KCNG2: variants seen among roughly 807,000 people sequenced by gnomAD.
The protein encoded by KCNG2 is potassium voltage-gated channel modifier subfamily G member 2, also known as voltage-gated potassium channel regulatory subunit KCNG2.
Under a neutral mutation model 12.3 loss-of-function variants are expected in KCNG2, and 7 were observed. The observed-to-expected ratio is 0.57, with a 90% CI of 0.32 to 1.07. The LOEUF (loss-of-function observed/expected upper bound fraction) is 1.07, where lower values mean the gene tolerates loss of function less well. Among genes scored for constraint, KCNG2 ranks in the 50% least tolerant of loss-of-function variants. The pLI is 0.04. For synonymous variants in KCNG2, 414 were observed against 351.4 expected (o/e 1.18, Z -1.99); for missense variants, 703 against 726.0 (o/e 0.97, Z 0.36).
intron 3 of KCNG2, among the ~76,000 whole-genome samples, chr18:79,895,360 GATT>G (rs1980928295): frequency 1.3e-5 from 2 of 150,916 alleles, no homozygotes; most frequent in Non-Finnish European, 1.5e-5. Flanking sequence ...CTTTTGATTG[GATT>G]GTTCACTCCA....
intron 3 of KCNG2, 109 bp from the exon 4 acceptor site, chr18:79,898,931 C>T (rs933269175): frequency 1.6e-5 from 13 of 790,510 alleles, no homozygotes; most frequent in African/African-American, 7.3e-5. Context: ...TGGGTTGGGG[C>T]GGGAAGGGTG....
intron 1 of KCNG2, among the ~76,000 whole-genome samples, chr18:79,806,224 C>T (rs2087448376): frequency 6.6e-6 from 1 of 152,176 alleles, no homozygotes; most frequent in South Asian, 2.1e-4. Flanking sequence ...CAGGCAAGGC[C>T]GTCGTGCTGG....
chr18:79,848,138 C>G (rs530837549), intron 1 of KCNG2, among the ~76,000 whole-genome samples: 1 of 152,262 alleles, frequency 6.6e-6, no homozygotes, highest in East Asian at 1.9e-4. Context: ...GTGGGCTCAG[C>G]AGCTGCCAGG....
At chr18:79,867,677 CTG>C (rs1979660563) in intron 3 of KCNG2, among the ~76,000 whole-genome samples, 1 of 152,056 alleles carries the variant, frequency 6.6e-6, no homozygotes, top group Non-Finnish European at 1.5e-5. Context: ...GGGGCTGTGA[CTG>C]TGTCTGAATG....
intron 2 of KCNG2, among the ~76,000 whole-genome samples, chr18:79,862,440 C>T (rs1979256038): frequency 6.6e-6 from 1 of 152,218 alleles, no homozygotes; most frequent in Non-Finnish European, 1.5e-5. Flanking sequence ...TGCAGATGGG[C>T]TCTGCGTGTC....
At chr18:79,819,675 C>T (rs999876597) in intron 1 of KCNG2, among the ~76,000 whole-genome samples, 6 of 152,268 alleles carry the variant, frequency 3.9e-5, no homozygotes, top group South Asian at 4.1e-4. Context: ...ACCTCCCCTA[C>T]GGCTCCTCGG....
At chr18:79,843,215 G>GA (rs924303844) in intron 1 of KCNG2, among the ~76,000 whole-genome samples, 4 of 150,820 alleles carry the variant, frequency 2.7e-5, no homozygotes, top group South Asian at 2.1e-4. Context: ...CAAAGTGCTG[G>GA]AAAAAAAAAG....
At chr18:79,890,588 C>T (rs1490705816) in intron 3 of KCNG2, among the ~76,000 whole-genome samples, 5 of 152,162 alleles carry the variant, frequency 3.3e-5, no homozygotes, top group African/African-American at 4.8e-5. Flanking sequence ...TCTGTTTCTG[C>T]GTTAATTTGC....
At chr18:79,845,500 T>C (rs1369019174) in intron 1 of KCNG2, among the ~76,000 whole-genome samples, 1 of 152,228 alleles carries the variant, frequency 6.6e-6, no homozygotes, top group Admixed American at 6.5e-5. Context: ...TTGAAACTTT[T>C]TGGAGCAATT....
At chr18:79,839,499 C>T (rs1205115951) in intron 1 of KCNG2, among the ~76,000 whole-genome samples, 1 of 152,176 alleles carries the variant, frequency 6.6e-6, no homozygotes, top group Non-Finnish European at 1.5e-5. Context: ...GGAAAATACA[C>T]ACTACCACAA....
chr18:79,816,701 C>T (rs529163528), intron 1 of KCNG2, among the ~76,000 whole-genome samples: 18 of 152,306 alleles, frequency 1.2e-4, no homozygotes, highest in East Asian at 3.9e-4. Flanking sequence ...TTTCCTGGGA[C>T]GATGTTCTCG....
At chr18:79,876,727 G>A (rs1490443588) in intron 3 of KCNG2, among the ~76,000 whole-genome samples, 4 of 152,230 alleles carry the variant, frequency 2.6e-5, no homozygotes, top group African/African-American at 9.6e-5. Context: ...ACTTGCACCT[G>A]CAGACCGCCT....
chr18:79,802,677 G>C (rs2087419803), intron 1 of KCNG2, among the ~76,000 whole-genome samples: 1 of 151,402 alleles, frequency 6.6e-6, no homozygotes, highest in African/African-American at 2.4e-5. Context: ...CAGATTCTGA[G>C]CGTACAGTGG....
At chr18:79,807,587 C>T (rs1168855925) in intron 1 of KCNG2, among the ~76,000 whole-genome samples, 9 of 152,220 alleles carry the variant, frequency 5.9e-5, no homozygotes, top group Non-Finnish European at 1.0e-4. Context: ...CACTAATTCT[C>T]TCTTCTTAAT....
At chr18:79,895,512 G>A (rs1980935694) in intron 3 of KCNG2, among the ~76,000 whole-genome samples, 1 of 151,864 alleles carries the variant, frequency 6.6e-6, no homozygotes, top group African/African-American at 2.4e-5. Flanking sequence ...GATATAGTTG[G>A]GTTTGTGTCT....
intron 1 of KCNG2, among the ~76,000 whole-genome samples, chr18:79,838,229 C>T (rs1041885316): frequency 6.6e-6 from 1 of 152,054 alleles, no homozygotes; most frequent in African/African-American, 2.4e-5. Context: ...GACACAGAGC[C>T]AAACCATATC....
intron 1 of KCNG2, among the ~76,000 whole-genome samples, chr18:79,856,057 A>G (rs1418080016): frequency 1.3e-5 from 2 of 152,202 alleles, no homozygotes; most frequent in African/African-American, 4.8e-5. Context: ...AAATCAAGTA[A>G]TTAGCTTTAG....
Position 79,822,627 on chromosome 18 carries a change from C to T in KCNG2, c.-115+24613C>T, listed in dbSNP as rs1325208487. ...CTAATTTTTGTAGAGATGGGGGTCTCGCTGTGTTGCCCCGGCAGGTCTTGA... is the reference window on the plus strand; with the variant it reads ...CTAATTTTTGTAGAGATGGGGGTCTTGCTGTGTTGCCCCGGCAGGTCTTGA... On this transcript the variant is annotated intron_variant, in intron 1 of 3. Coordinates refer to ENST00000316249, the MANE Select transcript of KCNG2 (RefSeq NM_012283.2). This position sits in a 1 kb window ranked among gnomAD's most constrained non-coding sequence, Gnocchi z 4.4. 5.3e-5 allele frequency among the ~76,000 whole-genome samples: 8 copies of T among 151,912 alleles called. No homozygotes were observed. The highest frequency in any genetic ancestry group is 1.9e-4 in the East Asian group (1 of 5,152).
rs1291588693 is a variant in KCNG2 at position 79,887,168 on chromosome 18, GGACACAGGGAGGGACACAGGACAGA to G, written c.625-11871_625-11847del. Among the ~76,000 whole-genome samples, 434 of 150,180 alleles carry G rather than the reference GGACACAGGGAGGGACACAGGACAGA, an allele frequency of 2.9e-3. 6 individuals are homozygous for G. The highest frequency in any genetic ancestry group is 0.01 in the African/African-American group (413 of 39,800). ...CAGGGACACGGGGACAGAGGGACAA[GGACACAGGGAGGGACACAGGACAGA>G]TGGGGACAGGGACACGGGGATATAG... is the stretch of plus-strand genomic sequence containing the variant. On this transcript the variant is annotated intron_variant, in intron 3 of 3. Coordinates refer to ENST00000316249, the MANE Select transcript of KCNG2 (RefSeq NM_012283.2).
Sources: allele counts gnomAD v4.1 joint callset (sites outside exome capture counted in the v4.1 genomes callset), GRCh38; gene constraint gnomAD v4.1.1; non-coding constraint Gnocchi (gnomAD v3.1); transcripts MANE v1.5; gene names NCBI Gene and HGNC (gene_info 2026-07-23, HGNC 2026-07-21).